The following SPMAP2L variants were observed in gnomAD, a reference collection of about 807,000 sequenced individuals.
SPMAP2L encodes the protein sperm microtubule associated protein 2-like.
At chr4:56,589,857 A>G in the SPMAP2L span, among the ~76,000 whole-genome samples, 4 of 152,178 alleles carry the variant, frequency 2.6e-5, no homozygotes, top group Middle Eastern at 3.4e-3. Flanking sequence ...TGATTTGTAT[A>G]CATTAATCTT....
At chr4:56,556,159 G>A in the SPMAP2L span, among the ~76,000 whole-genome samples, 5 of 152,254 alleles carry the variant, frequency 3.3e-5, no homozygotes, top group South Asian at 2.1e-4. Flanking sequence ...ATTTTAGAAA[G>A]GCACAATTCC....
chr4:56,595,137 A>T, the SPMAP2L span: 8 of 1,611,464 alleles, frequency 5.0e-6, no homozygotes, highest in Middle Eastern at 2.2e-4. Flanking sequence ...AGGGCCTTAA[A>T]CAAGCCACGG....
At chr4:56,531,501 T>C in the SPMAP2L span, among the ~76,000 whole-genome samples, 1 of 152,164 alleles carries the variant, frequency 6.6e-6, no homozygotes, top group Non-Finnish European at 1.5e-5. Context: ...TCCCTCTGGG[T>C]TGCACTTTGA....
chr4:56,599,066 A>C, the SPMAP2L span, among the ~76,000 whole-genome samples: 1 of 152,036 alleles, frequency 6.6e-6, no homozygotes, highest in Non-Finnish European at 1.5e-5. Context: ...TGGAACTGTG[A>C]TTCCATTAAA....
the SPMAP2L span, among the ~76,000 whole-genome samples, chr4:56,553,176 A>G: frequency 2.0e-5 from 1 of 50,664 alleles, no homozygotes; most frequent in African/African-American, 7.4e-5. Context: ...TGGATCTCCT[A>G]TTGCTTTTTT....
the SPMAP2L span, among the ~76,000 whole-genome samples, chr4:56,573,523 C>T: frequency 6.6e-6 from 1 of 152,172 alleles, no homozygotes; most frequent in South Asian, 2.1e-4. Context: ...CGCTCATTGG[C>T]TGCGTAATCA....
chr4:56,595,398 A>G, the SPMAP2L span: 1 of 1,603,770 alleles, frequency 6.2e-7, no homozygotes, highest in Non-Finnish European at 8.5e-7. Context: ...AGGACAAGGC[A>G]GAGCTGGACA....
chr4:56,607,995 GAA>G, the SPMAP2L span, among the ~76,000 whole-genome samples: 90 of 72,312 alleles, frequency 1.2e-3, no homozygotes, highest in African/African-American at 2.9e-3. Flanking sequence ...CCTGTCTCAA[GAA>G]AAAAAAAAAA....
the SPMAP2L span, chr4:56,603,167 G>A: frequency 2.2e-6 from 3 of 1,391,770 alleles, no homozygotes; most frequent in Non-Finnish European, 1.9e-6. Context: ...TACCTTCTCT[G>A]TTCATCTTAT....
the SPMAP2L span, among the ~76,000 whole-genome samples, chr4:56,572,050 T>A: frequency 7.2e-4 from 110 of 152,290 alleles, no homozygotes; most frequent in South Asian, 2.7e-3. Context: ...TAATTTTTTT[T>A]ATAAGTAGAA....
At chr4:56,541,048 C>A in the SPMAP2L span, among the ~76,000 whole-genome samples, 1 of 152,318 alleles carries the variant, frequency 6.6e-6, no homozygotes, top group Middle Eastern at 3.4e-3. Context: ...GATTTACTTT[C>A]GGTTACGTCA....
the SPMAP2L span, among the ~76,000 whole-genome samples, chr4:56,589,315 G>C: frequency 0.11 from 17,243 of 152,132 alleles, 1,085 homozygotes; most frequent in East Asian, 0.21. Context: ...TACCAGCACC[G>C]TACTGTTTTG....
the SPMAP2L span, among the ~76,000 whole-genome samples, chr4:56,558,156 C>G: frequency 6.6e-6 from 1 of 152,028 alleles, no homozygotes; most frequent in Non-Finnish European, 1.5e-5. Context: ...TTTGTAGAGA[C>G]AGGGTTTCAC....
chr4:56,534,276 A>G, the SPMAP2L span, among the ~76,000 whole-genome samples: 1 of 152,058 alleles, frequency 6.6e-6, no homozygotes, highest in Non-Finnish European at 1.5e-5. Context: ...CTAATTCTTC[A>G]TCTTCATCTT....
chr4:56,618,858 T>C, the SPMAP2L span, among the ~76,000 whole-genome samples: 1 of 152,156 alleles, frequency 6.6e-6, no homozygotes, highest in Admixed American at 6.5e-5. Flanking sequence ...ATTGAATCAT[T>C]TGATGATAAA....
chr4:56,570,373 A>G, the SPMAP2L span, among the ~76,000 whole-genome samples: 1 of 152,200 alleles, frequency 6.6e-6, no homozygotes, highest in African/African-American at 2.4e-5. Flanking sequence ...CATAAAGTGC[A>G]CTCACACAAA....
chr4:56,558,773 G>A, the SPMAP2L span, among the ~76,000 whole-genome samples: 1 of 151,920 alleles, frequency 6.6e-6, no homozygotes, highest in Non-Finnish European at 1.5e-5. Context: ...ATTGTCGTTT[G>A]ATTTTTTTCA....
At chr4:56,565,252 T>C in the SPMAP2L span, among the ~76,000 whole-genome samples, 1 of 152,240 alleles carries the variant, frequency 6.6e-6, no homozygotes, top group African/African-American at 2.4e-5. Context: ...CTATCAGTTA[T>C]TATGATGGCA....
At chr4:56,600,232 A>G in the SPMAP2L span, among the ~76,000 whole-genome samples, 1 of 151,414 alleles carries the variant, frequency 6.6e-6, no homozygotes, top group Admixed American at 6.6e-5. Flanking sequence ...TACAGGCACA[A>G]GCCATTGTGC....
Sources: gnomAD v4.1 joint callset for allele counts (sites outside exome capture counted in the v4.1 genomes callset) on GRCh38, gnomAD v4.1.1 for gene constraint, MANE v1.5 for transcripts, NCBI Gene and HGNC (gene_info 2026-07-23, HGNC 2026-07-21) for gene names.